PPP2R2B: variants seen among roughly 807,000 people sequenced by gnomAD.
PPP2R2B encodes serine/threonine-protein phosphatase 2A 55 kDa regulatory subunit B beta isoform.
Under a neutral mutation model 46.0 loss-of-function variants are expected in PPP2R2B, and 5 were observed. The ratio of observed to expected loss-of-function variants is 0.11; its 90% CI spans 0.06 to 0.23. The LOEUF (loss-of-function observed/expected upper bound fraction) is 0.23, where lower values mean the gene tolerates loss of function less well. Among genes scored for constraint, PPP2R2B ranks in the 10% least tolerant of loss-of-function variants. The pLI is 1.00. For missense variants in PPP2R2B, 367 were observed against 575.0 expected (o/e 0.64, Z 3.70); for synonymous variants, 215 against 206.7 (o/e 1.04, Z -0.34).
At chr5:146,622,756 G>T (rs180862512) in intron 7 of PPP2R2B, among the ~76,000 whole-genome samples, 2 of 152,238 alleles carry the variant, frequency 1.3e-5, no homozygotes, top group East Asian at 1.9e-4. Flanking sequence ...ATAGAGCAAG[G>T]TTCCCAAGTT....
intron 1 of PPP2R2B, among the ~76,000 whole-genome samples, chr5:147,007,879 T>A (rs190874799): frequency 3.9e-5 from 6 of 152,138 alleles, no homozygotes; most frequent in African/African-American, 1.2e-4. Flanking sequence ...TTAAGAACTG[T>A]AACACTCACT....
At chr5:146,871,321 T>C (rs1247968110) in intron 2 of PPP2R2B, among the ~76,000 whole-genome samples, 2 of 152,152 alleles carry the variant, frequency 1.3e-5, no homozygotes, top group Non-Finnish European at 2.9e-5. Context: ...ACTATATGAG[T>C]TGTCATGAGC....
At chr5:146,774,824 A>G (rs1403926966) in intron 2 of PPP2R2B, among the ~76,000 whole-genome samples, 1 of 151,950 alleles carries the variant, frequency 6.6e-6, no homozygotes, top group African/African-American at 2.4e-5. Context: ...CTCAAAAAAA[A>G]AAAAAAAAGA....
chr5:146,648,838 G>T (rs1252597370), intron 6 of PPP2R2B, among the ~76,000 whole-genome samples: 1 of 152,172 alleles, frequency 6.6e-6, no homozygotes, highest in Non-Finnish European at 1.5e-5. Flanking sequence ...ACAGAAAAGT[G>T]ATTAGTTGGC....
chr5:146,920,005 A>G (rs1229427171), intron 1 of PPP2R2B, among the ~76,000 whole-genome samples: 1 of 152,178 alleles, frequency 6.6e-6, no homozygotes, highest in African/African-American at 2.4e-5. Flanking sequence ...TTGCTCATCT[A>G]AAAAATGGGC....
rs918932658 is a variant in PPP2R2B, at chr5:146,759,186, C to T, written c.71-58044G>A. Among the ~76,000 whole-genome samples, 4 of 152,156 alleles carry T rather than the reference C, an allele frequency of 2.6e-5. No homozygotes were observed. The East Asian group carries it at 5.8e-4, about 22-fold the overall frequency. On this transcript the variant is annotated intron_variant, in intron 2 of 9. Transcript: ENST00000394411. ...ATGTTGATGTCATTTTTCTCCCTTG[C>T]TATTGCATTGTTCCAGGAAGTTACA...
intron 5 of PPP2R2B, among the ~76,000 whole-genome samples, chr5:146,672,439 T>C (rs918322708): frequency 6.6e-6 from 1 of 151,464 alleles, no homozygotes; most frequent in African/African-American, 2.4e-5. Flanking sequence ...TGGATTTTCC[T>C]AGAGAAAGGG....
At chr5:147,004,029 T>C (rs1296108672) in intron 1 of PPP2R2B, among the ~76,000 whole-genome samples, 2 of 151,904 alleles carry the variant, frequency 1.3e-5, no homozygotes, top group Non-Finnish European at 2.9e-5. Context: ...TGTTTTATAA[T>C]AGGGACCAAG....
At chr5:146,936,860 C>T (rs895729540) in intron 1 of PPP2R2B, among the ~76,000 whole-genome samples, 53 of 150,352 alleles carry the variant, frequency 3.5e-4, no homozygotes, top group Non-Finnish European at 5.0e-4. Flanking sequence ...ACCAGTGAGC[C>T]AGGGTTTTTT....
chr5:146,850,556 C>A (rs1760283204), intron 2 of PPP2R2B, among the ~76,000 whole-genome samples: 1 of 152,142 alleles, frequency 6.6e-6, no homozygotes, highest in South Asian at 2.1e-4. Context: ...CCATAAAGCC[C>A]TTGTACATGC....
intron 1 of PPP2R2B, among the ~76,000 whole-genome samples, chr5:146,907,796 T>A (rs947177229): frequency 6.6e-6 from 1 of 152,256 alleles, no homozygotes; most frequent in East Asian, 1.9e-4. Context: ...TTATTAACTA[T>A]TGGGTCCTGT....
At chr5:146,935,096 A>C (rs1369192064) in intron 1 of PPP2R2B, among the ~76,000 whole-genome samples, 1 of 152,214 alleles carries the variant, frequency 6.6e-6, no homozygotes, top group Non-Finnish European at 1.5e-5. Flanking sequence ...TCCAGTCCTC[A>C]AAGTACTTAA....
intron 1 of PPP2R2B, among the ~76,000 whole-genome samples, chr5:146,928,823 G>C (rs1452428369): frequency 2.0e-5 from 3 of 152,078 alleles, no homozygotes; most frequent in African/African-American, 7.2e-5. Context: ...AAAGCCAAAG[G>C]CTTTTCAGTG....
At chr5:146,665,685 G>A (rs968713261) in intron 5 of PPP2R2B, among the ~76,000 whole-genome samples, 1 of 152,216 alleles carries the variant, frequency 6.6e-6, no homozygotes, top group Admixed American at 6.5e-5. Context: ...AAGAGGCCCA[G>A]TGTTGGGCCT....
intron 7 of PPP2R2B, among the ~76,000 whole-genome samples, chr5:146,624,594 T>C (rs1202909997): frequency 6.6e-6 from 1 of 152,234 alleles, no homozygotes; most frequent in Non-Finnish European, 1.5e-5. Context: ...TGAGGCTTCA[T>C]TCTTAAATAG....
intron 2 of PPP2R2B, among the ~76,000 whole-genome samples, chr5:146,723,858 G>A (rs1016957495): frequency 6.6e-6 from 1 of 152,014 alleles, no homozygotes; most frequent in African/African-American, 2.4e-5. Flanking sequence ...TGGAGGGCCA[G>A]GACAAATTCA....
chr5:146,758,313 A>G (rs1753959472), intron 2 of PPP2R2B, among the ~76,000 whole-genome samples: 1 of 152,162 alleles, frequency 6.6e-6, no homozygotes, highest in Admixed American at 6.6e-5. Flanking sequence ...TCTCAGCTCT[A>G]CCATGAAACA....
intron 5 of PPP2R2B, among the ~76,000 whole-genome samples, chr5:146,655,871 T>TG (rs1362368679): frequency 2.5e-5 from 3 of 118,950 alleles, no homozygotes; most frequent in Non-Finnish European, 5.0e-5. Flanking sequence ...AGGCAGGGCT[T>TG]GAAGGGTGGG....
chr5:146,699,417 G>T (rs1399587934), intron 3 of PPP2R2B, among the ~76,000 whole-genome samples: 6 of 152,162 alleles, frequency 3.9e-5, no homozygotes, highest in South Asian at 2.1e-4. Flanking sequence ...TTAACTGCAG[G>T]TTCTTTATCC....
Sources: gnomAD v4.1 joint callset for allele counts (sites outside exome capture counted in the v4.1 genomes callset) on GRCh38, gnomAD v4.1.1 for gene constraint, MANE v1.5 for transcripts, NCBI Gene and HGNC (gene_info 2026-07-23, HGNC 2026-07-21) for gene names.